SGCZ: variants seen among roughly 807,000 people sequenced by gnomAD.
SGCZ encodes zeta-sarcoglycan.
SGCZ carries 40 observed loss-of-function variants against 41.3 expected under a neutral mutation model. The ratio of observed to expected loss-of-function variants is 0.97; its 90% CI spans 0.75 to 1.26. SGCZ has a LOEUF of 1.26. Among genes scored for constraint, SGCZ ranks in the 50% most tolerant of loss-of-function variants. The pLI is 0.00. For synonymous variants in SGCZ, 206 were observed against 137.5 expected, an observed-to-expected ratio of 1.50 and a Z score of -3.49; for missense variants, 552 against 369.8, an observed-to-expected ratio of 1.49 and a Z score of -4.04.
chr8:14,975,561 A>T (rs1317167622), intron 1 of SGCZ, among the ~76,000 whole-genome samples: 1 of 151,938 alleles, frequency 6.6e-6, no homozygotes, highest in African/African-American at 2.4e-5. Context: ...TTTTCACTGG[A>T]TTGTATCTTA....
chr8:14,294,136 G>A (rs1393259767), intron 3 of SGCZ, among the ~76,000 whole-genome samples: 1 of 151,694 alleles, frequency 6.6e-6, no homozygotes, highest in Non-Finnish European at 1.5e-5. Context: ...TGATATTGTA[G>A]AATTTCTGAG....
At chr8:15,057,716 C>G (rs1804764769) in intron 1 of SGCZ, among the ~76,000 whole-genome samples, 1 of 152,148 alleles carries the variant, frequency 6.6e-6, no homozygotes, top group South Asian at 2.1e-4. Context: ...ATAATTAGTC[C>G]CAATTCTTCC....
intron 3 of SGCZ, among the ~76,000 whole-genome samples, chr8:14,296,658 G>C (rs1383274527): frequency 2.0e-5 from 3 of 151,970 alleles, no homozygotes; most frequent in African/African-American, 7.3e-5. Context: ...AGGTAGACTA[G>C]GGTACATTAA....
chr8:14,108,891 T>C (rs1802290697), intron 5 of SGCZ, among the ~76,000 whole-genome samples: 1 of 152,232 alleles, frequency 6.6e-6, no homozygotes, highest in South Asian at 2.1e-4. Flanking sequence ...CCCTGCCTTA[T>C]TTTCCAGTTA....
At chr8:14,452,643 G>T (rs1438744240) in intron 2 of SGCZ, among the ~76,000 whole-genome samples, 4 of 152,230 alleles carry the variant, frequency 2.6e-5, no homozygotes, top group South Asian at 2.1e-4. Context: ...TTCACTGATT[G>T]TAACAAATGT....
intron 1 of SGCZ, among the ~76,000 whole-genome samples, chr8:15,207,582 C>T (rs1274905875): frequency 1.3e-5 from 2 of 152,188 alleles, no homozygotes; most frequent in South Asian, 2.1e-4. Flanking sequence ...ATCATTTTTG[C>T]AGTTAAAGCT....
intron 2 of SGCZ, among the ~76,000 whole-genome samples, chr8:14,531,035 A>G (rs908017254): frequency 2.0e-5 from 3 of 151,970 alleles, no homozygotes; most frequent in African/African-American, 7.2e-5. Flanking sequence ...AAGTCTGAAC[A>G]CCAAACTACG....
intron 1 of SGCZ, among the ~76,000 whole-genome samples, chr8:14,951,739 G>A (rs1159609513): frequency 6.6e-6 from 1 of 152,034 alleles, no homozygotes; most frequent in Non-Finnish European, 1.5e-5. Context: ...TCAAGAACAT[G>A]AGATCTTAAC....
chr8:14,239,766 G>C (rs976438908), intron 3 of SGCZ, among the ~76,000 whole-genome samples: 5 of 149,854 alleles, frequency 3.3e-5, no homozygotes, highest in Non-Finnish European at 6.0e-5. Flanking sequence ...GCCGGGCGTA[G>C]TGGCGGGCGC....
intron 1 of SGCZ, among the ~76,000 whole-genome samples, chr8:15,192,290 C>T (rs938259656): frequency 8.6e-5 from 13 of 151,980 alleles, no homozygotes; most frequent in South Asian, 2.1e-4. Context: ...TTAGCTACTT[C>T]GGAACATTGT....
chr8:15,110,648 T>C (rs1184715878), intron 1 of SGCZ, among the ~76,000 whole-genome samples: 3 of 152,172 alleles, frequency 2.0e-5, no homozygotes, highest in African/African-American at 7.2e-5. Context: ...CAGAGCAGTA[T>C]GGCACTAGCC....
At chr8:14,121,044 A>G (rs1802680997) in intron 5 of SGCZ, among the ~76,000 whole-genome samples, 1 of 152,098 alleles carries the variant, frequency 6.6e-6, no homozygotes, top group African/African-American at 2.4e-5. Context: ...ATAAAATTCT[A>G]ATTTTACTAA....
chr8:14,396,489 A>G (rs1045319158), intron 2 of SGCZ, among the ~76,000 whole-genome samples: 1 of 151,998 alleles, frequency 6.6e-6, no homozygotes, highest in Non-Finnish European at 1.5e-5. Context: ...CTCATTCCCT[A>G]TGCCTCCTAA....
At chr8:14,347,806 G>A (rs1051727489) in intron 2 of SGCZ, among the ~76,000 whole-genome samples, 1 of 152,004 alleles carries the variant, frequency 6.6e-6, no homozygotes, top group Non-Finnish European at 1.5e-5. Flanking sequence ...GTACTTTTAG[G>A]TCTATAACTT....
At chr8:14,873,341 TA>T (rs1434309368) in intron 1 of SGCZ, among the ~76,000 whole-genome samples, 13 of 152,124 alleles carry the variant, frequency 8.5e-5, no homozygotes, top group African/African-American at 2.7e-4. Context: ...AGTAATATCA[TA>T]TTTTTTTTAT....
chr8:14,340,981 C>T (rs935844460), intron 2 of SGCZ, among the ~76,000 whole-genome samples: 14 of 152,052 alleles, frequency 9.2e-5, no homozygotes, highest in Non-Finnish European at 1.8e-4. Flanking sequence ...GCTATTCTAC[C>T]TTCTATTTCT....
At chr8:14,903,181 AAT>A (rs1323286576) in intron 1 of SGCZ, among the ~76,000 whole-genome samples, 1 of 152,132 alleles carries the variant, frequency 6.6e-6, no homozygotes, top group Non-Finnish European at 1.5e-5. Flanking sequence ...GAGTGGTCAG[AAT>A]ACACACAAAG....
chr8:14,941,785 A>G (rs980495284), intron 1 of SGCZ, among the ~76,000 whole-genome samples: 3 of 151,674 alleles, frequency 2.0e-5, no homozygotes, highest in African/African-American at 7.3e-5. Flanking sequence ...TTATCTCTTA[A>G]CATATGTTAC....
rs189766205 is a variant in SGCZ, at chr8:14,883,410, A to G, written c.40-328484T>C. 1.6e-4 allele frequency among the ~76,000 whole-genome samples: 25 copies of G among 152,186 alleles called. No individual in the cohort carries two copies. In the East Asian group the frequency reaches 3.9e-3, roughly 24 times the overall value. ...TCACATATCTACTTGTGCTTTAGCC[A>G]TATTCAATATTATACATTAAATACA... On this transcript the variant is annotated intron_variant, in intron 1 of 7. Coordinates refer to ENST00000382080, the MANE Select transcript of SGCZ (RefSeq NM_139167.4).
Sources: allele counts gnomAD v4.1 joint callset (sites outside exome capture counted in the v4.1 genomes callset), GRCh38; gene constraint gnomAD v4.1.1; transcripts MANE v1.5; gene names NCBI Gene and HGNC (gene_info 2026-07-23, HGNC 2026-07-21).